The following SIRPA variants were observed in gnomAD, a reference collection of about 807,000 sequenced individuals.
SIRPA encodes tyrosine-protein phosphatase non-receptor type substrate 1.
SIRPA carries 9 observed loss-of-function variants against 50.3 expected under a neutral mutation model. The ratio of observed to expected loss-of-function variants is 0.18; its 90% CI spans 0.11 to 0.31. SIRPA has a LOEUF of 0.31. Among genes scored for constraint, SIRPA ranks in the 10% least tolerant of loss-of-function variants. The pLI is 1.00. For synonymous variants in SIRPA, 265 were observed against 284.1 expected (o/e 0.93, Z 0.68); for missense variants, 474 against 661.6 (o/e 0.72, Z 3.11).
In SIRPA at chr20:1,928,313, G is replaced by A. The variant is rs963028836; in HGVS notation, c.1226+414G>A. ...CCTTGGCGTGCTGTGACCCTGGAAT[G>A]CCGGGATGAGTAGGATAGAATCTGT... On this transcript the variant is annotated intron_variant, in intron 6 of 7. Coordinates refer to ENST00000358771, the MANE Select transcript of SIRPA (RefSeq NM_001040023.2). This position sits in a 1 kb window ranked among gnomAD's most constrained non-coding sequence, Gnocchi z 4.9. 5.9e-5 allele frequency among the ~76,000 whole-genome samples: 9 copies of A among 152,320 alleles called. No individual in the cohort carries two copies. In the South Asian group the frequency reaches 1.9e-3, roughly 32 times the overall value.
rs564165366 is a variant in SIRPA, at chr20:1,924,671, A to G, written c.1088-93A>G. On this transcript the variant is annotated intron_variant, in intron 4 of 7. Coordinates refer to ENST00000358771, the MANE Select transcript of SIRPA (RefSeq NM_001040023.2). The surrounding 1 kb of genome is among the most constrained non-coding windows in gnomAD (Gnocchi z 4.5). ...AAGGTCCAGCCAGATGTTCTCAGTTAATGATGCCTGCTTAGTGGTGAAAAG... is the reference window on the plus strand; with the variant it reads ...AAGGTCCAGCCAGATGTTCTCAGTTGATGATGCCTGCTTAGTGGTGAAAAG... 2.0e-6 allele frequency: 2 copies of G among 1,003,256 alleles called. No individual in the cohort carries two copies. Among genetic ancestry groups the G allele is most frequent in the East Asian group, 4.9e-5 (2 of 40,450 alleles). The allele number at this position is 1,003,256 out of a possible 1,614,324, so 62.1% of individuals were successfully genotyped here. A position where few individuals can be genotyped will look rare whatever the true frequency, so the allele number is the denominator to read the frequency against.
At position 1,934,582 on chromosome 20, in the gene SIRPA, AT is replaced by A. The variant is rs778667892; in HGVS notation, c.1227-130del. The A allele has an allele frequency of 5.6e-4, 423 of 760,326 alleles. No individual in the cohort carries two copies. The highest frequency in any genetic ancestry group is 8.1e-4 in the Non-Finnish European group (371 of 458,734). The allele number at this position is 760,326 out of a possible 1,614,324, so 47.1% of individuals were successfully genotyped here. On this transcript the variant is annotated intron_variant, in intron 6 of 7. Transcript: ENST00000358771. This position sits in a 1 kb window ranked among gnomAD's most constrained non-coding sequence, Gnocchi z 4.6. ...GTCCAAACATTTGATATGCAGTTGT[AT>A]TTCTGTTATGAGTCCTTCGTTCATG...
At chr20:1,918,640 C>T (rs1400205829) in intron 2 of SIRPA, among the ~76,000 whole-genome samples, 1 of 152,022 alleles carries the variant, frequency 6.6e-6, no homozygotes, top group East Asian at 1.9e-4. Flanking sequence ...ATGCAATGAG[C>T]CTGGGGCGAC....
intron 1 of SIRPA, among the ~76,000 whole-genome samples, chr20:1,914,825 C>T (rs1444378863): frequency 1.7e-5 from 2 of 117,076 alleles, no homozygotes; most frequent in African/African-American, 6.6e-5. Context: ...AGAATTAGCC[C>T]AGCTCAGATG....
At position 1,932,814 on chromosome 20, in the gene SIRPA, G is replaced by A. The variant is rs932648059; in HGVS notation, c.1227-1901G>A. Among the ~76,000 whole-genome samples, 11 of 152,242 alleles carry A rather than the reference G, an allele frequency of 7.2e-5. No homozygotes were observed. Among genetic ancestry groups the A allele is most frequent in the African/African-American group, 2.6e-4 (11 of 41,526 alleles). ...GGTTGGATTAGATGAGAGCTGTAAAGGAAGAGAGAGAAGAATCAGGACTGA... is the reference window on the plus strand; with the variant it reads ...GGTTGGATTAGATGAGAGCTGTAAAAGAAGAGAGAGAAGAATCAGGACTGA... On this transcript the variant is annotated intron_variant, in intron 6 of 7. Transcript: ENST00000358771. The surrounding 1 kb of genome is among the most constrained non-coding windows in gnomAD (Gnocchi z 6.0).
At chr20:1,918,302 G>A (rs1279620093) in intron 2 of SIRPA, among the ~76,000 whole-genome samples, 4 of 150,452 alleles carry the variant, frequency 2.7e-5, no homozygotes, top group Non-Finnish European at 4.4e-5. Context: ...GGGTTCAAGC[G>A]ATTCTGCTTC....
intron 1 of SIRPA, among the ~76,000 whole-genome samples, chr20:1,909,436 C>T (rs1286027596): frequency 6.6e-6 from 1 of 152,252 alleles, no homozygotes; most frequent in African/African-American, 2.4e-5. Flanking sequence ...CAGCCCTCCC[C>T]ATCCCCGCCT....
Position 1,901,312 on chromosome 20 carries a change from A to G in SIRPA, c.79+5786A>G, listed in dbSNP as rs1984193811. 2.6e-5 allele frequency among the ~76,000 whole-genome samples: 4 copies of G among 151,702 alleles called. No homozygotes were observed. In the South Asian group the frequency reaches 8.3e-4, roughly 32 times the overall value. ...CAGCCTCCCCAGTAGCTAGGACTAC[A>G]GGCGCACACCGTCACGCCCAGCTAA... On this transcript the variant is annotated intron_variant, in intron 1 of 7. Coordinates refer to ENST00000358771, the MANE Select transcript of SIRPA (RefSeq NM_001040023.2).
At chr20:1,903,483 C>A (rs6081095) in intron 1 of SIRPA, among the ~76,000 whole-genome samples, 2 of 152,082 alleles carry the variant, frequency 1.3e-5, no homozygotes, top group Admixed American at 1.3e-4. Flanking sequence ...GTCCTTGCCC[C>A]CTTCGGGCTC....
rs922691417 is a variant in SIRPA, at chr20:1,932,998, G to A, written c.1227-1717G>A. The stretch of plus-strand genomic sequence containing the variant: ...ACCCAATGTTTTGAGAATGGAGTTT[G>A]GGGGTTCAGTGAATATTTCCCCAAG... On this transcript the variant is annotated intron_variant, in intron 6 of 7. Transcript: ENST00000358771. The surrounding 1 kb of genome is among the most constrained non-coding windows in gnomAD (Gnocchi z 6.0). 6.6e-6 allele frequency among the ~76,000 whole-genome samples: 1 copy of A among 152,208 alleles called. No individual in the cohort carries two copies. Among genetic ancestry groups the A allele is most frequent in the Non-Finnish European group, 1.5e-5 (1 of 68,030 alleles).
intron 5 of SIRPA, among the ~76,000 whole-genome samples, chr20:1,925,632 C>G (rs113653475): frequency 3.9e-5 from 6 of 152,280 alleles, no homozygotes; most frequent in African/African-American, 1.2e-4. Flanking sequence ...TCAGACAAAC[C>G]AGGGTTCCAG....
At chr20:1,920,715 A>G (rs994831335) in intron 2 of SIRPA, among the ~76,000 whole-genome samples, 52 of 152,368 alleles carry the variant, frequency 3.4e-4, no homozygotes, top group African/African-American at 1.2e-3. Context: ...AATGAAAAAT[A>G]TGAAGTAAAT....
At chr20:1,902,406 A>G (rs1447320937) in intron 1 of SIRPA, among the ~76,000 whole-genome samples, 1 of 151,788 alleles carries the variant, frequency 6.6e-6, no homozygotes, top group Non-Finnish European at 1.5e-5. Flanking sequence ...GCCAGGCTCC[A>G]CTCCTCACTT....
Position 1,898,542 on chromosome 20 carries a change from C to T in SIRPA, c.79+3016C>T, listed in dbSNP as rs538550592. Among the ~76,000 whole-genome samples the T allele has an allele frequency of 6.6e-6, 1 of 152,102 alleles. No homozygotes were observed. On this transcript the variant is annotated intron_variant, in intron 1 of 7. Transcript: ENST00000358771. This position sits in a 1 kb window ranked among gnomAD's most constrained non-coding sequence, Gnocchi z 4.3. ...GCAAGACATGGATTGGCTCTTCTCC[C>T]CATTCTGCAGATGCAGAAAATCGAG... is the stretch of plus-strand genomic sequence containing the variant.
chr20:1,914,949 G>A (rs1985144027), intron 1 of SIRPA, 150 bp from the exon 2 acceptor site: 5 of 722,422 alleles, frequency 6.9e-6, no homozygotes, highest in Non-Finnish European at 1.1e-5. Flanking sequence ...GGTTTGTTGT[G>A]AGGGTCAAAT....
chr20:1,935,988 C>G (rs1443005794), intron 7 of SIRPA, among the ~76,000 whole-genome samples: 1 of 152,136 alleles, frequency 6.6e-6, no homozygotes, highest in Non-Finnish European at 1.5e-5. Context: ...ACTTTGTCCA[C>G]TTTATTGAAC....
chr20:1,904,739 C>T (rs1287704002), intron 1 of SIRPA, among the ~76,000 whole-genome samples: 2 of 152,208 alleles, frequency 1.3e-5, no homozygotes, highest in East Asian at 1.9e-4. Flanking sequence ...CCTCTGCCCC[C>T]TCAGCCTCAG....
chr20:1,913,448 C>T (rs1985026058), intron 1 of SIRPA, among the ~76,000 whole-genome samples: 1 of 152,160 alleles, frequency 6.6e-6, no homozygotes, highest in Non-Finnish European at 1.5e-5. Context: ...CACAGGGTCT[C>T]TCTCCTCCCC....
intron 1 of SIRPA, among the ~76,000 whole-genome samples, chr20:1,911,308 C>T (rs1033643085): frequency 1.3e-5 from 2 of 152,200 alleles, no homozygotes; most frequent in African/African-American, 4.8e-5. Flanking sequence ...TGTTTTTCTT[C>T]ACTCATATTT....
Sources: gnomAD v4.1 joint callset for allele counts (sites outside exome capture counted in the v4.1 genomes callset) on GRCh38, gnomAD v4.1.1 for gene constraint, Gnocchi (gnomAD v3.1) non-coding constraint, MANE v1.5 for transcripts, NCBI Gene and HGNC (gene_info 2026-07-23, HGNC 2026-07-21) for gene names.